PTPN14: variants seen among roughly 807,000 people sequenced by gnomAD.
The protein encoded by PTPN14 is tyrosine-protein phosphatase non-receptor type 14.
PTPN14 carries 53 observed loss-of-function variants against 126.8 expected under a neutral mutation model. That is an observed-to-expected ratio of 0.42 (90% CI 0.34 to 0.53). The LOEUF (loss-of-function observed/expected upper bound fraction) is 0.53, where lower values mean the gene tolerates loss of function less well. Among genes scored for constraint, PTPN14 ranks in the 20% least tolerant of loss-of-function variants. The pLI is 0.08. For synonymous variants in PTPN14, 630 were observed against 599.3 expected (o/e 1.05, Z -0.75); for missense variants, 1,257 against 1,552.9 (o/e 0.81, Z 3.20).
At chr1:214,402,640 AG>A (rs1311920951) in intron 6 of PTPN14, among the ~76,000 whole-genome samples, 1 of 29,338 alleles carries the variant, frequency 3.4e-5, no homozygotes, top group Non-Finnish European at 6.3e-5. Context: ...TAAGGAAGGA[AG>A]GAAGGAAGGA....
At chr1:214,493,460 G>A (rs955554026) in intron 1 of PTPN14, among the ~76,000 whole-genome samples, 3 of 152,094 alleles carry the variant, frequency 2.0e-5, no homozygotes, top group African/African-American at 7.2e-5. Flanking sequence ...TGATTATTAT[G>A]TATTATATGC....
chr1:214,483,185 T>A, intron 1 of PTPN14: 1 of 1,599,548 alleles, frequency 6.3e-7, no homozygotes, highest in Non-Finnish European at 8.6e-7. Flanking sequence ...TAACGTTGTG[T>A]AATGTCTATA....
chr1:214,369,732 G>T, intron 16 of PTPN14, 41 bp from the exon 17 acceptor site: 1 of 1,541,192 alleles, frequency 6.5e-7, no homozygotes, highest in South Asian at 1.1e-5. Flanking sequence ...TAGGTCAAGG[G>T]AAGCTCTCAT....
intron 3 of PTPN14, among the ~76,000 whole-genome samples, chr1:214,423,958 G>A (rs923313299): frequency 3.4e-4 from 52 of 151,698 alleles, no homozygotes; most frequent in African/African-American, 1.2e-3. Context: ...TCCAGCCTGG[G>A]TGACAGAGTG....
intron 17 of PTPN14, among the ~76,000 whole-genome samples, chr1:214,369,252 C>T (rs966656215): frequency 2.6e-5 from 4 of 152,132 alleles, no homozygotes; most frequent in Non-Finnish European, 4.4e-5. Context: ...TCTTAGCTTA[C>T]GTGCATGAAA....
chr1:214,527,513 G>A (rs1383841781), intron 1 of PTPN14, among the ~76,000 whole-genome samples: 1 of 152,150 alleles, frequency 6.6e-6, no homozygotes, highest in African/African-American at 2.4e-5. Context: ...CTTGAAGCAT[G>A]CATCAGTAAT....
At chr1:214,373,433 GATGCA>G (rs1658265536) in intron 15 of PTPN14, among the ~76,000 whole-genome samples, 1 of 152,138 alleles carries the variant, frequency 6.6e-6, no homozygotes, top group African/African-American at 2.4e-5. Context: ...CACATGTATA[GATGCA>G]TATATATGAA....
intron 1 of PTPN14, among the ~76,000 whole-genome samples, chr1:214,498,435 A>C (rs1654601027): frequency 6.6e-6 from 1 of 152,236 alleles, no homozygotes; most frequent in African/African-American, 2.4e-5. Context: ...GTAAGAGAGA[A>C]AGGGCAAGAA....
chr1:214,532,875 G>T, intron 1 of PTPN14: 1 of 1,043,606 alleles, frequency 9.6e-7, no homozygotes, highest in South Asian at 1.3e-5. Context: ...GCTCTGGGTT[G>T]ACCATGGAGG....
intron 1 of PTPN14, among the ~76,000 whole-genome samples, chr1:214,473,884 C>T (rs149177271): frequency 6.6e-6 from 1 of 152,306 alleles, no homozygotes; most frequent in Non-Finnish European, 1.5e-5. Context: ...CAAATCATAT[C>T]CATACATCAA....
intron 13 of PTPN14, among the ~76,000 whole-genome samples, chr1:214,379,704 A>C (rs998030434): frequency 6.6e-6 from 1 of 152,250 alleles, no homozygotes; most frequent in Non-Finnish European, 1.5e-5. Context: ...AATCAGAAAC[A>C]AAAGAATGCA....
Position 214,364,806 on chromosome 1 carries a change from T to TGTGTGTGTGTGTGTGTGTGTGTGTG in PTPN14, c.3272-132_3272-131insCACACACACACACACACACACACAC. The TGTGTGTGTGTGTGTGTGTGTGTGTG allele has an allele frequency of 5.8e-6, 5 of 858,948 alleles. No homozygotes were observed. The highest frequency in any genetic ancestry group is 2.7e-5 in the East Asian group (1 of 36,770). The allele number at this position is 858,948 out of a possible 1,614,324, so 53.2% of individuals were successfully genotyped here. A position where few individuals can be genotyped will look rare whatever the true frequency, so the allele number is the denominator to read the frequency against. ...GTGTGTGTGTGTGTGTGTGTGTGTG[T>TGTGTGTGTGTGTGTGTGTGTGTGTG]TTTAAGTGACAATAATTTATAGTTC... is the stretch of plus-strand genomic sequence containing the variant. On this transcript the variant is annotated intron_variant, in intron 17 of 18. Transcript: ENST00000366956. The surrounding 1 kb of genome is among the most constrained non-coding windows in gnomAD (Gnocchi z 4.1).
chr1:214,538,795 C>T (rs1021503522), intron 1 of PTPN14, among the ~76,000 whole-genome samples: 7 of 152,096 alleles, frequency 4.6e-5, no homozygotes, highest in African/African-American at 1.2e-4. Context: ...AAGATTTTTC[C>T]GTACTGTATA....
chr1:214,393,893 A>G (rs1250998270), intron 9 of PTPN14, 116 bp from the exon 10 acceptor site: 2 of 807,972 alleles, frequency 2.5e-6, no homozygotes, highest in Non-Finnish European at 2.0e-6. Context: ...TCAAGCACAA[A>G]ATAATACATG....
rs1655252531 is a variant in PTPN14 at position 214,521,452 on chromosome 1, C to T, written c.-155+29731G>A. Reference sequence around the variant, plus strand: ...GAACGGCCAGGCGTGGTGGCTCACGCCTATAATCCCAGCACTTTGGGAGAC... The same window carrying T: ...GAACGGCCAGGCGTGGTGGCTCACGTCTATAATCCCAGCACTTTGGGAGAC... On this transcript the variant is annotated intron_variant, in intron 1 of 18. Coordinates refer to ENST00000366956, the MANE Select transcript of PTPN14 (RefSeq NM_005401.5). 2.6e-5 allele frequency among the ~76,000 whole-genome samples: 4 copies of T among 152,204 alleles called. No individual in the cohort carries two copies. The South Asian group carries it at 8.3e-4, about 32-fold the overall frequency.
intron 1 of PTPN14, among the ~76,000 whole-genome samples, chr1:214,480,047 T>C (rs1006656019): frequency 2.6e-5 from 4 of 152,242 alleles, no homozygotes; most frequent in Non-Finnish European, 5.9e-5. Flanking sequence ...TATTCCAGTG[T>C]ATGGATCACC....
At chr1:214,546,853 G>T (rs1655982383) in intron 1 of PTPN14, among the ~76,000 whole-genome samples, 2 of 152,132 alleles carry the variant, frequency 1.3e-5, no homozygotes, top group African/African-American at 4.8e-5. Context: ...TTACATGTAA[G>T]GTTGATCTAA....
In PTPN14 at chr1:214,513,452, A is replaced by C. The variant is rs72759623; in HGVS notation, c.-155+37731T>G. Among the ~76,000 whole-genome samples the C allele has an allele frequency of 9.9e-3, 1,512 of 152,150 alleles. 21 individuals carry two copies. Among genetic ancestry groups the C allele is most frequent in the Middle Eastern group, 0.024 (7 of 294 alleles). On this transcript the variant is annotated intron_variant, in intron 1 of 18. Transcript: ENST00000366956. Reference sequence around the variant, plus strand: ...TGATTTCCATTAGTTCTTCAAAAAAAAAAAATCTGATAGCACTGGCCTGAA... The same window carrying C: ...TGATTTCCATTAGTTCTTCAAAAAACAAAAATCTGATAGCACTGGCCTGAA...
At chr1:214,361,494 C>G (rs561117979) in intron 18 of PTPN14, among the ~76,000 whole-genome samples, 1 of 152,192 alleles carries the variant, frequency 6.6e-6, no homozygotes, top group African/African-American at 2.4e-5. Flanking sequence ...AAGATTCATT[C>G]ACTCCCACAG....
Sources: gnomAD v4.1 joint callset for allele counts (sites outside exome capture counted in the v4.1 genomes callset) on GRCh38, gnomAD v4.1.1 for gene constraint, Gnocchi (gnomAD v3.1) non-coding constraint, MANE v1.5 for transcripts, NCBI Gene and HGNC (gene_info 2026-07-23, HGNC 2026-07-21) for gene names.